Variants in NALF1 observed in about 807,000 individuals in gnomAD.
NALF1 encodes the protein NALCN channel auxiliary factor 1.
In NALF1, 3 loss-of-function variants were observed where a neutral mutation model predicts 48.4. The observed-to-expected ratio is 0.06, with a 90% CI of 0.03 to 0.16. NALF1 has a LOEUF of 0.16. NALF1 is among the 10% of genes least tolerant of loss of function. The pLI is 1.00. For missense variants in NALF1, 526 were observed against 571.5 expected (o/e 0.92, Z 0.81); for synonymous variants, 262 against 245.7 (o/e 1.07, Z -0.62).
chr13:107,263,892 T>C (rs955587561), intron 1 of NALF1, among the ~76,000 whole-genome samples: 1 of 152,166 alleles, frequency 6.6e-6, no homozygotes, highest in African/African-American at 2.4e-5. Context: ...TAAACTCAAA[T>C]TTTCCCTCTG....
chr13:107,618,097 T>A (rs2147176), intron 1 of NALF1, among the ~76,000 whole-genome samples: 50,808 of 151,526 alleles, frequency 0.34, 9,371 homozygotes, highest in East Asian at 0.51. Context: ...GGCTAAGTGC[T>A]GTGGAGCATA....
chr13:107,840,987 C>G (rs1594307829), intron 1 of NALF1, among the ~76,000 whole-genome samples: 1 of 152,120 alleles, frequency 6.6e-6, no homozygotes, highest in South Asian at 2.1e-4. Context: ...AGCATCCTGG[C>G]TTGGAAAATA....
At chr13:107,799,478 A>T (rs1045886929) in intron 1 of NALF1, among the ~76,000 whole-genome samples, 1 of 152,218 alleles carries the variant, frequency 6.6e-6, no homozygotes, top group Non-Finnish European at 1.5e-5. Context: ...ATATATTTGA[A>T]CATGGAAATG....
intron 1 of NALF1, among the ~76,000 whole-genome samples, chr13:107,282,456 G>T (rs994823813): frequency 6.6e-6 from 1 of 152,200 alleles, no homozygotes; most frequent in Non-Finnish European, 1.5e-5. Flanking sequence ...GAGGATATTG[G>T]CATGGTAGCC....
intron 1 of NALF1, among the ~76,000 whole-genome samples, chr13:107,735,113 A>G (rs1876428155): frequency 6.6e-6 from 1 of 152,058 alleles, no homozygotes; most frequent in South Asian, 2.1e-4. Context: ...AGAAACACTA[A>G]AGACTTGATC....
intron 1 of NALF1, among the ~76,000 whole-genome samples, chr13:107,808,745 G>A (rs1223309279): frequency 1.3e-5 from 2 of 151,824 alleles, no homozygotes; most frequent in Non-Finnish European, 2.9e-5. Context: ...AGAAAAGGCA[G>A]TTTGGAAGTT....
rs1385444440 is a variant in NALF1, at chr13:107,389,445, G to C, written c.916-178690C>G. ...ACATGTGTAGAAGAAAGACGACATAGATACAGGGAGAAAACAGACATCCAC... is the reference window on the plus strand; with the variant it reads ...ACATGTGTAGAAGAAAGACGACATACATACAGGGAGAAAACAGACATCCAC... On this transcript the variant is annotated intron_variant, in intron 1 of 2. Coordinates refer to ENST00000375915, the MANE Select transcript of NALF1 (RefSeq NM_001080396.3). Among the ~76,000 whole-genome samples the C allele has an allele frequency of 3.3e-5, 5 of 152,252 alleles. No individual in the cohort carries two copies. In the South Asian group the frequency reaches 1.0e-3, roughly 32 times the overall value.
chr13:107,218,591 C>T lies in NALF1; in HGVS notation c.916-7836G>A, dbSNP rs539929858. Reference sequence around the variant, plus strand: ...CTTTTCATATGACCAACCCAGTGGCCGTTATTGAAGGCCGAAAACAAAAAC... The same window carrying T: ...CTTTTCATATGACCAACCCAGTGGCTGTTATTGAAGGCCGAAAACAAAAAC... On this transcript the variant is annotated intron_variant, in intron 1 of 2. Transcript: ENST00000375915. Among the ~76,000 whole-genome samples the T allele has an allele frequency of 6.1e-4, 92 of 151,050 alleles. 1 individual carries two copies. The highest frequency in any genetic ancestry group is 2.1e-3 in the African/African-American group (87 of 41,032).
intron 1 of NALF1, among the ~76,000 whole-genome samples, chr13:107,333,002 C>T (rs941625846): frequency 6.6e-6 from 1 of 152,014 alleles, no homozygotes; most frequent in African/African-American, 2.4e-5. Context: ...CGTGCCACCA[C>T]ACCCAGCTAA....
Position 107,866,375 on chromosome 13 carries a change from C to CTGCTGG in NALF1, c.216_221dup (p.His72_Gln73dup). 6.1e-6 allele frequency: 9 copies of CTGCTGG among 1,479,450 alleles called. No individual in the cohort carries two copies. The highest frequency in any genetic ancestry group is 1.4e-5 in the African/African-American group (1 of 73,882). The allele number at this position is 1,479,450 out of a possible 1,614,324, so 91.6% of individuals were successfully genotyped here. On this transcript the variant is annotated inframe_insertion, in exon 1 of 3. Coordinates refer to ENST00000375915, the MANE Select transcript of NALF1 (RefSeq NM_001080396.3). This position sits in a 1 kb window ranked among gnomAD's most constrained non-coding sequence, Gnocchi z 4.4. ...GCTGCTGCTGCTGCTGCCGCTGCTG[C>CTGCTGG]TGCTGGTGCTCCTTGTCCCGGGCCC...
chr13:107,395,055 G>C (rs79392272), intron 1 of NALF1, among the ~76,000 whole-genome samples: 194 of 152,254 alleles, frequency 1.3e-3, no homozygotes, highest in African/African-American at 4.6e-3. Flanking sequence ...ATAAGGCATA[G>C]TCCCCTTGCT....
At chr13:107,235,503 C>A (rs1880323174) in intron 1 of NALF1, among the ~76,000 whole-genome samples, 2 of 152,158 alleles carry the variant, frequency 1.3e-5, no homozygotes, top group South Asian at 4.1e-4. Flanking sequence ...ACATATAACC[C>A]ATGCACATCC....
At chr13:107,214,218 T>C (rs1352844470) in intron 1 of NALF1, among the ~76,000 whole-genome samples, 2 of 152,116 alleles carry the variant, frequency 1.3e-5, no homozygotes, top group East Asian at 3.9e-4. Flanking sequence ...CAGGAAGGGG[T>C]TGAAAAGGAT....
intron 1 of NALF1, among the ~76,000 whole-genome samples, chr13:107,838,747 T>C (rs1021303839): frequency 2.6e-5 from 4 of 152,116 alleles, no homozygotes; most frequent in African/African-American, 4.8e-5. Context: ...TTAAAAAAAA[T>C]ACATGCTGTT....
intron 1 of NALF1, among the ~76,000 whole-genome samples, chr13:107,852,247 T>C (rs1314764564): frequency 6.6e-6 from 1 of 152,198 alleles, no homozygotes; most frequent in African/African-American, 2.4e-5. Flanking sequence ...TCCATGTCCA[T>C]ATATGAGTCA....
intron 1 of NALF1, among the ~76,000 whole-genome samples, chr13:107,601,537 G>C (rs1329744945): frequency 5.3e-5 from 8 of 152,218 alleles, no homozygotes; most frequent in African/African-American, 1.9e-4. Flanking sequence ...TTTTTATCAG[G>C]AGGCTTTGTT....
At chr13:107,503,753 T>G (rs2809281) in intron 1 of NALF1, among the ~76,000 whole-genome samples, 17,519 of 70,732 alleles carry the variant, frequency 0.25, 1,403 homozygotes, top group Non-Finnish European at 0.27. Flanking sequence ...GTGTGTGTGT[T>G]TGTGTGTGTG....
chr13:107,778,809 C>T (rs1432361665), intron 1 of NALF1, among the ~76,000 whole-genome samples: 1 of 152,142 alleles, frequency 6.6e-6, no homozygotes, highest in Non-Finnish European at 1.5e-5. Context: ...CTCCCTCAAT[C>T]ACCTGTTGTT....
intron 1 of NALF1, among the ~76,000 whole-genome samples, chr13:107,307,503 C>T (rs567273146): frequency 3.4e-5 from 5 of 148,582 alleles, no homozygotes; most frequent in South Asian, 2.1e-4. Flanking sequence ...TTTTTGAGAC[C>T]GAGTCTCGCT....
Sources: allele counts gnomAD v4.1 joint callset (sites outside exome capture counted in the v4.1 genomes callset), GRCh38; gene constraint gnomAD v4.1.1; non-coding constraint Gnocchi (gnomAD v3.1); transcripts MANE v1.5; gene names NCBI Gene and HGNC (gene_info 2026-07-23, HGNC 2026-07-21).